PRPF31: variants seen among roughly 807,000 people sequenced by gnomAD.
PRPF31 encodes U4/U6 small nuclear ribonucleoprotein Prp31.
A neutral mutation model predicts 60.4 loss-of-function variants in PRPF31; 12 were observed. The observed-to-expected ratio is 0.20, with a 90% CI of 0.13 to 0.32. The LOEUF is 0.32. Ranked by LOEUF, PRPF31 falls within the 10% of genes least tolerant of loss-of-function variation. The pLI, the probability that PRPF31 is intolerant of heterozygous loss-of-function variation, is 1.00. For synonymous variants in PRPF31, 287 were observed against 287.9 expected, an observed-to-expected ratio of 1.00 and a Z score of 0.03; for missense variants, 431 against 687.1, an observed-to-expected ratio of 0.63 and a Z score of 4.17.
intron 3 of PRPF31, chr19:54,119,856 A>G (rs1212096890): frequency 6.6e-6 from 1 of 152,188 alleles, no homozygotes; most frequent in Non-Finnish European, 1.5e-5. Flanking sequence ...TTTCTGGGGA[A>G]AGAAGTGTAG....
chr19:54,121,813 G>C (rs774056840), intron 3 of PRPF31, 47 bp from the exon 4 acceptor site: 12 of 1,551,350 alleles, frequency 7.7e-6, no homozygotes, highest in Admixed American at 5.6e-5. Flanking sequence ...GACCCGAGAG[G>C]GGGTAGGGAT....
At chr19:54,118,657 C>T in intron 3 of PRPF31, 24 bp downstream of exon 3, 3 of 1,612,280 alleles carry the variant, frequency 1.9e-6, no homozygotes, top group Non-Finnish European at 1.7e-6. Flanking sequence ...CTCTGTGCCC[C>T]TCCCCATCTC....
At chr19:54,118,869 T>C (rs2146395471) in intron 3 of PRPF31, 1 of 565,142 alleles carries the variant, frequency 1.8e-6, no homozygotes, top group Non-Finnish European at 3.1e-6. Flanking sequence ...AGGACTCAGC[T>C]TGAGGTTTCC....
At chr19:54,122,472 C>A (rs752039482) in intron 4 of PRPF31, 25 bp from the exon 5 acceptor site, 2 of 1,569,148 alleles carry the variant, frequency 1.3e-6, no homozygotes, top group East Asian at 2.2e-5. Context: ...TCTCACCCGA[C>A]AACCTCCTGT....
At position 54,131,236 on chromosome 19, in the gene PRPF31, G is replaced by A. The variant is rs587600027; in HGVS notation, c.1375-71G>A. 111 of 1,589,530 alleles carry A rather than the reference G, an allele frequency of 7.0e-5. 2 individuals are homozygous for A. The South Asian group carries it at 1.1e-3, about 16-fold the overall frequency. On this transcript the variant is annotated intron_variant, in intron 13 of 13. Coordinates refer to ENST00000321030, the MANE Select transcript of PRPF31 (RefSeq NM_015629.4). Reference sequence around the variant, plus strand: ...TGAGTGCCATGGGGAAGGGCCTGGGGGGCTCTGATGGGTCACAGTTGGGGC... The same window carrying A: ...TGAGTGCCATGGGGAAGGGCCTGGGAGGCTCTGATGGGTCACAGTTGGGGC...
At chr19:54,119,039 C>T (rs1212873108) in intron 3 of PRPF31, among the ~76,000 whole-genome samples, 1 of 151,996 alleles carries the variant, frequency 6.6e-6, no homozygotes, top group Non-Finnish European at 1.5e-5. Context: ...AAACTGGTAT[C>T]ATTTGGCAAA....
At chr19:54,127,052 G>A (rs146131641) in intron 9 of PRPF31, among the ~76,000 whole-genome samples, 8 of 152,260 alleles carry the variant, frequency 5.3e-5, no homozygotes, top group African/African-American at 1.2e-4. Flanking sequence ...CCTGGGAGAC[G>A]GAGGTTGCAG....
Position 54,118,581 on chromosome 19 carries a change from G to C in PRPF31, c.186G>C (p.Glu62Asp). 1 of 1,614,102 alleles carries C rather than the reference G, an allele frequency of 6.2e-7. No individual in the cohort carries two copies. Among genetic ancestry groups the C allele is most frequent in the African/African-American group, 1.3e-5 (1 of 75,002 alleles). The change falls in exon 3 of 14, where the codon GAG (glutamate) becomes GAC (aspartate). Residue 62 changes from glutamate to aspartate, a missense_variant. By Grantham distance (45) the Glu-to-Asp change is conservative (BLOSUM62 2). This residue lies in a region of PRPF31 where 113 missense variants were observed against 173.8 expected (regional missense o/e 0.65). Coordinates refer to ENST00000321030, the MANE Select transcript of PRPF31 (RefSeq NM_015629.4). ...CTTCTCCTTTCCTACAGTTTGCTGA[G>C]ATTATGATGAAGATTGAGGAGTATA... The part of the protein sequence containing the change: ...AKLWDSKMFA[E>D]IMMKIEEYIS...
chr19:54,124,727 C>A, intron 8 of PRPF31, 71 bp downstream of exon 8: 2 of 1,534,944 alleles, frequency 1.3e-6, no homozygotes, highest in Non-Finnish European at 1.8e-6. Context: ...ACAGCCTGAG[C>A]AGCCACCCAC....
At position 54,128,977 on chromosome 19, in the gene PRPF31, G is replaced by T. The variant is rs608608; in HGVS notation, c.1147-80G>T. On this transcript the variant is annotated intron_variant, in intron 11 of 13. Coordinates refer to ENST00000321030, the MANE Select transcript of PRPF31 (RefSeq NM_015629.4). ...GGCCGGCTGGTGACCGCTGGGCTTC[G>T]GGCTGGTGGAGGGGGTGCCTCGGTG... is the stretch of plus-strand genomic sequence containing the variant. 7 of 1,435,032 alleles carry T rather than the reference G, an allele frequency of 4.9e-6. No homozygotes were observed. The Admixed American group carries it at 5.9e-5, about 12-fold the overall frequency. 88.9% of individuals were successfully genotyped at this position (1,435,032 alleles called of 1,614,324 possible). A position where few individuals can be genotyped will look rare whatever the true frequency, so the allele number is the denominator to read the frequency against.
chr19:54,127,242 A>G (rs1268709231), intron 9 of PRPF31, among the ~76,000 whole-genome samples: 1 of 152,160 alleles, frequency 6.6e-6, no homozygotes, highest in East Asian at 1.9e-4. Context: ...GGGGGATTCA[A>G]GGGATAATCC....
intron 5 of PRPF31, chr19:54,123,183 G>C (rs587667768): frequency 1.7e-6 from 1 of 581,888 alleles, no homozygotes; most frequent in African/African-American, 1.9e-5. Flanking sequence ...GCAGGCCAGA[G>C]GCTTGTGAGG....
At chr19:54,121,724 T>G in intron 3 of PRPF31, 136 bp from the exon 4 acceptor site, 1 of 802,576 alleles carries the variant, frequency 1.2e-6, no homozygotes, top group South Asian at 1.4e-5. Context: ...TCTGCAGACA[T>G]CAGCCTGTCC....
intron 2 of PRPF31, 58 bp downstream of exon 2, chr19:54,118,513 G>A (rs761230810): frequency 6.2e-5 from 100 of 1,613,422 alleles, no homozygotes; most frequent in Non-Finnish European, 7.8e-5. Context: ...CCCAGAAGGG[G>A]GTGATACAGG....
Position 54,121,853 on chromosome 19 carries a change from C to T in PRPF31, c.239-7C>T, listed in dbSNP as rs748816621. On this transcript the variant is annotated splice_polypyrimidine_tract_variant and splice_region_variant and intron_variant, in intron 3 of 13. Coordinates refer to ENST00000321030, the MANE Select transcript of PRPF31 (RefSeq NM_015629.4). The stretch of plus-strand genomic sequence containing the variant: ...ATACTCACACCCATGCCTCCGTGTC[C>T]TCACAGTGATGGGACCAGTGGAGGC... 3 of 1,608,296 alleles carry T rather than the reference C, an allele frequency of 1.9e-6. No individual in the cohort carries two copies. The highest frequency in any genetic ancestry group is 1.3e-5 in the African/African-American group (1 of 74,856).
intron 8 of PRPF31, chr19:54,125,129 C>G (rs1432437857): frequency 4.4e-6 from 1 of 226,096 alleles, no homozygotes; most frequent in Non-Finnish European, 9.0e-6. Flanking sequence ...AACCTCGGAG[C>G]TTCCCGGGTC....
intron 4 of PRPF31, chr19:54,122,262 GCTT>G: frequency 1.6e-6 from 1 of 631,534 alleles, no homozygotes; most frequent in Non-Finnish European, 2.8e-6. Flanking sequence ...CCAGCAAGGC[GCTT>G]CTTTTCTTTA....
chr19:54,118,485 G>A (rs372217220), intron 2 of PRPF31, 30 bp downstream of exon 2: 1 of 1,613,874 alleles, frequency 6.2e-7, no homozygotes, highest in Non-Finnish European at 8.5e-7. Context: ...TCCTAGCAGG[G>A]GGCTCTAGAC....
rs369639658 is a variant in PRPF31 at position 54,120,673 on chromosome 19, C to T, written c.239-1187C>T. ...TCACCCAGGCCAGAATGCAGTGGCA[C>T]GATCCCAGCTCACTGCAGCCTTGAC... On this transcript the variant is annotated intron_variant, in intron 3 of 13. Coordinates refer to ENST00000321030, the MANE Select transcript of PRPF31 (RefSeq NM_015629.4). 1.4e-4 allele frequency among the ~76,000 whole-genome samples: 22 copies of T among 152,278 alleles called. No homozygotes were observed. In the East Asian group the frequency reaches 2.1e-3, roughly 15 times the overall value.
Sources: gnomAD v4.1 joint callset for allele counts (sites outside exome capture counted in the v4.1 genomes callset) on GRCh38, gnomAD v4.1.1 for gene constraint, gnomAD v4.1.1 regional missense constraint, MANE v1.5 for transcripts, NCBI Gene and HGNC (gene_info 2026-07-23, HGNC 2026-07-21) for gene names.